Variants in GABRR3 observed in about 807,000 individuals in gnomAD.
GABRR3 encodes the protein gamma-aminobutyric acid type A receptor subunit rho3.
GABRR3 carries 29 observed loss-of-function variants against 43.2 expected under a neutral mutation model. The ratio of observed to expected loss-of-function variants is 0.67; its 90% CI spans 0.50 to 0.92. GABRR3 has a LOEUF of 0.92. Among genes scored for constraint, GABRR3 ranks in the 40% least tolerant of loss-of-function variants. The probability of loss-of-function intolerance (pLI) is 0.00; values close to 1 mark genes in which losing one functional copy is unlikely to be tolerated. For synonymous variants in GABRR3, 206 were observed against 195.9 expected, an observed-to-expected ratio of 1.05 and a Z score of -0.43; for missense variants, 576 against 572.3, an observed-to-expected ratio of 1.01 and a Z score of -0.07.
At chr3:98,031,450 T>C (rs1413562273) in intron 2 of GABRR3, among the ~76,000 whole-genome samples, 1 of 152,176 alleles carries the variant, frequency 6.6e-6, no homozygotes, top group Non-Finnish European at 1.5e-5. Flanking sequence ...AGTTCTCTTA[T>C]AACAAGAGAA....
intron 5 of GABRR3, 151 bp from the exon 6 acceptor site, chr3:98,009,189 C>A (rs1479218478): frequency 1.2e-5 from 2 of 161,406 alleles, no homozygotes; most frequent in Non-Finnish European, 1.3e-5. Flanking sequence ...GTCCAAATGA[C>A]ATGCAAGGAA....
intron 7 of GABRR3, among the ~76,000 whole-genome samples, chr3:98,003,708 C>G (rs1706685162): frequency 6.6e-6 from 1 of 152,120 alleles, no homozygotes; most frequent in Non-Finnish European, 1.5e-5. Context: ...AAGCCTAGGT[C>G]TCTTTTTGGC....
chr3:98,001,405 T>G lies in GABRR3; in HGVS notation c.907+210A>C. ...CAACTGCAGGTCAGTCAGCAAAGAC[T>G]TCATCCCTAAAATCCGGGTTCCCAA... On this transcript the variant is annotated intron_variant, in intron 8 of 9. Coordinates refer to ENST00000621172, the Ensembl canonical transcript of GABRR3. 4 of 562,010 alleles carry G rather than the reference T, an allele frequency of 7.1e-6. No individual in the cohort carries two copies. In the South Asian group the frequency reaches 1.1e-4, roughly 15 times the overall value. 34.8% of individuals were successfully genotyped at this position (562,010 alleles called of 1,614,324 possible).
At chr3:98,034,432 C>T (rs1352913624) in intron 2 of GABRR3, among the ~76,000 whole-genome samples, 2 of 152,058 alleles carry the variant, frequency 1.3e-5, no homozygotes, top group Non-Finnish European at 2.9e-5. Context: ...CCTTTTGATA[C>T]TATTTCATCA....
intron 7 of GABRR3, among the ~76,000 whole-genome samples, chr3:98,007,345 G>A (rs972250143): frequency 1.3e-5 from 2 of 152,060 alleles, no homozygotes. Context: ...AAGCAAAAAC[G>A]CCAGTGTCGG....
At chr3:97,990,990 C>G (rs938947912) in intron 9 of GABRR3, among the ~76,000 whole-genome samples, 1 of 152,102 alleles carries the variant, frequency 6.6e-6, no homozygotes, top group South Asian at 2.1e-4. Context: ...ATGGAGGATG[C>G]TTATTACCTG....
chr3:97,991,589 A>G (rs1328156432), intron 9 of GABRR3, among the ~76,000 whole-genome samples: 1 of 152,238 alleles, frequency 6.6e-6, no homozygotes, highest in Non-Finnish European at 1.5e-5. Context: ...GTAAAATCAA[A>G]GGATGAAGTG....
chr3:98,029,435 C>T (rs1273208736), intron 2 of GABRR3, among the ~76,000 whole-genome samples: 1 of 152,022 alleles, frequency 6.6e-6, no homozygotes, highest in East Asian at 1.9e-4. Flanking sequence ...TTGAGGAGGA[C>T]ATAGTAGTCA....
intron 2 of GABRR3, among the ~76,000 whole-genome samples, chr3:98,028,982 T>C (rs1414398877): frequency 6.6e-6 from 1 of 152,136 alleles, no homozygotes; most frequent in East Asian, 1.9e-4. Flanking sequence ...TCTATACACA[T>C]ACCACTTTAA....
chr3:98,022,464 C>T (rs1378653573), intron 3 of GABRR3, among the ~76,000 whole-genome samples: 1 of 152,120 alleles, frequency 6.6e-6, no homozygotes, highest in Non-Finnish European at 1.5e-5. Context: ...AAAGTATGTG[C>T]GTGTGTTTGT....
intron 8 of GABRR3, 195 bp downstream of exon 8, chr3:98,001,420 C>A (rs558256490): frequency 5.2e-6 from 3 of 581,334 alleles, no homozygotes; most frequent in Non-Finnish European, 6.1e-6. Flanking sequence ...CCCTAAAATC[C>A]GGGTTCCCAA....
chr3:98,008,853 T>G, intron 6 of GABRR3, 103 bp downstream of exon 6: 2 of 446,390 alleles, frequency 4.5e-6, no homozygotes, highest in South Asian at 4.5e-5. Context: ...GATAAATATA[T>G]CAGTATTTTA....
At position 98,003,755 on chromosome 3, in the gene GABRR3, G is replaced by A. The variant is rs147855398; in HGVS notation, c.755-1988C>T. Reference sequence around the variant, plus strand: ...GTTCAAACCATGCATCTTGTCCTACGACAGGCAGCCTTCACCCTAGCTGCA... The same window carrying A: ...GTTCAAACCATGCATCTTGTCCTACAACAGGCAGCCTTCACCCTAGCTGCA... On this transcript the variant is annotated intron_variant, in intron 7 of 9. Coordinates refer to ENST00000621172, the Ensembl canonical transcript of GABRR3. 1.3e-3 allele frequency among the ~76,000 whole-genome samples: 192 copies of A among 152,016 alleles called. No individual in the cohort carries two copies. The Middle Eastern group carries it at 0.017, about 13-fold the overall frequency.
Position 98,034,104 on chromosome 3 carries a change from G to T in GABRR3, c.125+759C>A, listed in dbSNP as rs1707123376. ...CAATTTCTCCTTTTGGGTCTTTTTG[G>T]AAATATGGTGCTTGGTGAAAAGAGA... On this transcript the variant is annotated intron_variant, in intron 2 of 9. Coordinates refer to ENST00000621172, the Ensembl canonical transcript of GABRR3. Among the ~76,000 whole-genome samples, 3 of 152,038 alleles carry T rather than the reference G, an allele frequency of 2.0e-5. No homozygotes were observed. In the South Asian group the frequency reaches 6.2e-4, roughly 32 times the overall value.
At chr3:97,992,614 T>C (rs1706485854) in intron 9 of GABRR3, among the ~76,000 whole-genome samples, 1 of 152,108 alleles carries the variant, frequency 6.6e-6, no homozygotes, top group African/African-American at 2.4e-5. Flanking sequence ...AAGGAGCATA[T>C]TGAGAGAAAT....
exon 7 of GABRR3, chr3:98,007,878 G>A (rs759163111): frequency 2.1e-5 from 33 of 1,592,322 alleles, no homozygotes; most frequent in Non-Finnish European, 2.8e-5. Flanking sequence ...TTCCAGTATA[G>A]CATTAGGTCA....
chr3:98,010,714 T>C (rs1706778829), intron 5 of GABRR3, among the ~76,000 whole-genome samples: 1 of 152,184 alleles, frequency 6.6e-6, no homozygotes. Flanking sequence ...TTTAAAACAA[T>C]TGATTCTTTG....
intron 3 of GABRR3, among the ~76,000 whole-genome samples, chr3:98,018,971 G>C (rs563309878): frequency 6.6e-6 from 1 of 151,954 alleles, no homozygotes; most frequent in Non-Finnish European, 1.5e-5. Flanking sequence ...TTAGCCAGGC[G>C]TGATGGTGTG....
At chr3:98,022,383 T>C (rs1706959099) in intron 3 of GABRR3, among the ~76,000 whole-genome samples, 1 of 152,246 alleles carries the variant, frequency 6.6e-6, no homozygotes, top group African/African-American at 2.4e-5. Flanking sequence ...CTGGTTTTAA[T>C]GTTAAAGCTA....
Sources: gnomAD v4.1 joint callset for allele counts (sites outside exome capture counted in the v4.1 genomes callset) on GRCh38, gnomAD v4.1.1 for gene constraint, MANE v1.5 for transcripts, NCBI Gene and HGNC (gene_info 2026-07-23, HGNC 2026-07-21) for gene names.